The following CFAP92 variants were observed in gnomAD, a reference collection of about 807,000 sequenced individuals.
CFAP92 encodes the protein uncharacterized protein CFAP92.
Under a neutral mutation model 106.3 loss-of-function variants are expected in CFAP92, and 86 were observed. The ratio of observed to expected loss-of-function variants is 0.81; its 90% confidence interval spans 0.68 to 0.97. The LOEUF (loss-of-function observed/expected upper bound fraction) is 0.97, where lower values mean the gene tolerates loss of function less well. Ranked by LOEUF, CFAP92 falls within the 50% of genes least tolerant of loss-of-function variation. CFAP92 has a pLI of 0.00. For missense variants in CFAP92, 1,204 were observed against 1,283.8 expected (o/e 0.94, Z 0.95); for synonymous variants, 477 against 506.4 (o/e 0.94, Z 0.78).
chr3:129,019,951 TAG>T, the CFAP92 span, among the ~76,000 whole-genome samples: 1 of 151,854 alleles, frequency 6.6e-6, no homozygotes, highest in Non-Finnish European at 1.5e-5. Context: ...GTATTTTTAG[TAG>T]AGACAGGTTT....
intron 12 of CFAP92, among the ~76,000 whole-genome samples, chr3:128,932,114 T>C (rs1007243565): frequency 6.6e-6 from 1 of 152,146 alleles, no homozygotes; most frequent in African/African-American, 2.4e-5. Context: ...AACTGGAGAA[T>C]TGCAGGGATG....
At chr3:129,001,148 CA>C (rs1008169105) in intron 1 of CFAP92, among the ~76,000 whole-genome samples, 30 of 152,370 alleles carry the variant, frequency 2.0e-4, no homozygotes, top group African/African-American at 6.7e-4. Flanking sequence ...ACATCCCCAG[CA>C]ACCGGACGAG....
chr3:128,923,208 A>G (rs1937443364), intron 12 of CFAP92, among the ~76,000 whole-genome samples: 1 of 152,202 alleles, frequency 6.6e-6, no homozygotes, highest in South Asian at 2.1e-4. Context: ...ATGGAACAGG[A>G]GACTGGAGGG....
intron 8 of CFAP92, chr3:128,969,526 T>A (rs796119796): frequency 6.6e-5 from 10 of 151,098 alleles, no homozygotes; most frequent in African/African-American, 2.4e-4. Context: ...TGAGCCGAGA[T>A]CGCGCCACTG....
At chr3:128,948,788 C>A (rs1468877096) in intron 9 of CFAP92, among the ~76,000 whole-genome samples, 1 of 152,014 alleles carries the variant, frequency 6.6e-6, no homozygotes, top group Non-Finnish European at 1.5e-5. Context: ...CCTTAGCCTC[C>A]CAAAGTGTTG....
At chr3:128,918,865 G>C (rs1468304186) in intron 12 of CFAP92, among the ~76,000 whole-genome samples, 1 of 151,082 alleles carries the variant, frequency 6.6e-6, no homozygotes, top group East Asian at 1.9e-4. Context: ...GGGTTTAAAA[G>C]TAGATTAGGT....
chr3:128,992,699 C>T (rs1326496770), intron 2 of CFAP92, among the ~76,000 whole-genome samples: 5 of 152,140 alleles, frequency 3.3e-5, no homozygotes, highest in Middle Eastern at 3.4e-3. Context: ...CTCAGACTCC[C>T]GGAAAATGTA....
chr3:128,988,736 C>T lies in CFAP92; in HGVS notation c.445G>A (p.Gly149Arg), dbSNP rs923979649. 1 of 1,613,660 alleles carries T rather than the reference C, an allele frequency of 6.2e-7. No homozygotes were observed. Among genetic ancestry groups the T allele is most frequent in the Non-Finnish European group, 8.5e-7 (1 of 1,179,876 alleles). ...PMVAKVFLES[G>R]VKTVKPWHEG... Reference sequence around the variant, plus strand: ...CACACTCACACACGCACCTTTACTCCTGACTCCAGGAATACTTTGGCCACC... The same window carrying T: ...CACACTCACACACGCACCTTTACTCTTGACTCCAGGAATACTTTGGCCACC... The change falls in exon 3 of 16, where the codon GGA becomes AGA. Residue 149 changes from glycine (G) to arginine (R), a missense_variant. Gly to Arg is a moderately radical substitution (Grantham distance 125). Coordinates refer to ENST00000645291, the MANE Select transcript of CFAP92 (RefSeq NM_001394090.1).
chr3:128,915,272 A>T lies in CFAP92; in HGVS notation c.3127T>A (p.Trp1043Arg). The change falls in exon 15 of 16, where the codon TGG becomes AGG. Residue 1043 changes from tryptophan to arginine, a missense_variant. Physicochemically the swap from Trp to Arg is moderately radical, Grantham distance 101. Coordinates refer to ENST00000645291, the MANE Select transcript of CFAP92 (RefSeq NM_001394090.1). ...LPPIKELNEEWKENSLFANVL... is the reference protein window; with the variant it reads ...LPPIKELNEERKENSLFANVL... ...TTAGCAAACAGGGAGTTTTCCTTCC[A>T]CTCCTAAATTGGGGGAGTAAGTAAA... 1 of 1,536,034 alleles carries T rather than the reference A, an allele frequency of 6.5e-7. No individual in the cohort carries two copies. Among genetic ancestry groups the T allele is most frequent in the Non-Finnish European group, 8.7e-7 (1 of 1,146,870 alleles).
At chr3:129,001,688 C>T in intron 1 of CFAP92, 1 of 1,487,108 alleles carries the variant, frequency 6.7e-7, no homozygotes, top group Non-Finnish European at 8.9e-7. Context: ...GTGACCCGTA[C>T]CGGCGACCTG....
chr3:128,921,930 G>A (rs140212849), intron 12 of CFAP92, among the ~76,000 whole-genome samples: 138 of 152,238 alleles, frequency 9.1e-4, no homozygotes, highest in African/African-American at 3.1e-3. Context: ...AGGTCCCCAC[G>A]GGTGTTAGGG....
chr3:129,006,459 A>G (rs1431390014), upstream of CFAP92, among the ~76,000 whole-genome samples: 1 of 152,176 alleles, frequency 6.6e-6, no homozygotes, highest in Admixed American at 6.5e-5. Flanking sequence ...GGGATTAAAG[A>G]TGCATGCCAC....
chr3:128,963,011 A>G (rs570751664), intron 9 of CFAP92, among the ~76,000 whole-genome samples: 12 of 152,174 alleles, frequency 7.9e-5, no homozygotes, highest in African/African-American at 2.9e-4. Flanking sequence ...GCCTTCACTT[A>G]GACTGACCCT....
upstream of CFAP92, chr3:129,003,905 C>A (rs1001543279): frequency 1.1e-5 from 15 of 1,348,666 alleles, no homozygotes; most frequent in African/African-American, 1.9e-4. Context: ...GGCGGAGGCC[C>A]GCGCTGGGCG....
chr3:129,007,231 A>G (rs1260279383), upstream of CFAP92, among the ~76,000 whole-genome samples: 1 of 152,120 alleles, frequency 6.6e-6, no homozygotes, highest in Non-Finnish European at 1.5e-5. Flanking sequence ...GTAGGCTACA[A>G]TTCACCTCTG....
In CFAP92 at chr3:128,953,494, G is replaced by A. The variant is rs1037819916; in HGVS notation, c.1354-7519C>T. ...CACGCCACTGCACTCCAGCCAGGGC[G>A]ACAGAGCAAGACTCTGTCTCAAGAA... On this transcript the variant is annotated intron_variant, in intron 9 of 15. Coordinates refer to ENST00000645291, the MANE Select transcript of CFAP92 (RefSeq NM_001394090.1). 1.7e-4 allele frequency among the ~76,000 whole-genome samples: 26 copies of A among 151,906 alleles called. 1 individual carries two copies. Among genetic ancestry groups the A allele is most frequent in the East Asian group, 5.8e-4 (3 of 5,154 alleles).
chr3:128,938,110 C>T (rs567497582), intron 10 of CFAP92, among the ~76,000 whole-genome samples: 17 of 150,618 alleles, frequency 1.1e-4, no homozygotes, highest in South Asian at 8.4e-4. Context: ...ACATGCTTGT[C>T]GGTCCCAGCT....
intron 12 of CFAP92, among the ~76,000 whole-genome samples, chr3:128,920,477 C>G (rs550085247): frequency 1.3e-5 from 2 of 152,062 alleles, no homozygotes; most frequent in South Asian, 4.2e-4. Flanking sequence ...CACCTGGAAC[C>G]TATAGAAAAA....
At chr3:128,919,030 C>T (rs1481596696) in intron 12 of CFAP92, among the ~76,000 whole-genome samples, 2 of 149,474 alleles carry the variant, frequency 1.3e-5, no homozygotes, top group Non-Finnish European at 3.0e-5. Flanking sequence ...TTACTACAAC[C>T]TCCGCCTCCC....
Sources: allele counts gnomAD v4.1 joint callset (sites outside exome capture counted in the v4.1 genomes callset), GRCh38; gene constraint gnomAD v4.1.1; transcripts MANE v1.5; gene names NCBI Gene and HGNC (gene_info 2026-07-23, HGNC 2026-07-21).